The following TPO variants were observed in gnomAD, a reference collection of about 807,000 sequenced individuals.
The protein encoded by TPO is thyroid peroxidase.
In TPO, 78 loss-of-function variants were observed where a neutral mutation model predicts 96.9. The observed-to-expected ratio is 0.81, with a 90% CI of 0.67 to 0.97. TPO has a LOEUF of 0.97. TPO is among the 50% of genes least tolerant of loss of function. TPO has a pLI of 0.00. For missense variants in TPO, 1,252 were observed against 1,274.8 expected (o/e 0.98, Z 0.27); for synonymous variants, 547 against 538.0 (o/e 1.02, Z -0.23).
At chr2:1,509,575 G>A (rs1017992441) in intron 14 of TPO, among the ~76,000 whole-genome samples, 141 of 126,406 alleles carry the variant, frequency 1.1e-3, no homozygotes, top group African/African-American at 3.8e-3. Context: ...CTCTTCTTTC[G>A]GGGATACCCC....
intron 14 of TPO, among the ~76,000 whole-genome samples, chr2:1,506,688 A>G (rs1399578965): frequency 2.0e-5 from 3 of 152,170 alleles, no homozygotes; most frequent in African/African-American, 4.8e-5. Context: ...TCTTCTTTTG[A>G]GAAGTGTCTG....
chr2:1,479,340 T>C (rs981141355), intron 8 of TPO, among the ~76,000 whole-genome samples: 1 of 152,242 alleles, frequency 6.6e-6, no homozygotes, highest in Admixed American at 6.5e-5. Context: ...TTCTTGTTTC[T>C]CAGGACCCAC....
intron 11 of TPO, 117 bp downstream of exon 11, chr2:1,494,156 C>T (rs1672092292): frequency 9.4e-6 from 10 of 1,059,268 alleles, no homozygotes; most frequent in East Asian, 2.4e-5. Context: ...TCAACTCTTA[C>T]GTAAGCCTGG....
chr2:1,472,385 C>T (rs1203266376), intron 7 of TPO, among the ~76,000 whole-genome samples: 6 of 151,762 alleles, frequency 4.0e-5, no homozygotes, highest in Non-Finnish European at 5.9e-5. Context: ...TGAGTGGTCA[C>T]GGTGTGCCCT....
At chr2:1,375,908 C>T (rs7590793) in intron 1 of TPO, among the ~76,000 whole-genome samples, 18 of 152,230 alleles carry the variant, frequency 1.2e-4, no homozygotes, top group African/African-American at 3.6e-4. Flanking sequence ...TTTCTAGTCA[C>T]GCACAACGAA....
At chr2:1,534,021 C>G (rs1156975602) in intron 15 of TPO, among the ~76,000 whole-genome samples, 99 of 99,966 alleles carry the variant, frequency 9.9e-4, no homozygotes, top group African/African-American at 2.7e-3. Context: ...CAAATCCCCC[C>G]CAATCTGTGC....
chr2:1,422,833 C>T (rs1178301597), intron 2 of TPO, among the ~76,000 whole-genome samples: 1 of 152,190 alleles, frequency 6.6e-6, no homozygotes, highest in Non-Finnish European at 1.5e-5. Flanking sequence ...ATCCCATCCT[C>T]CAGGCAGCTC....
intron 5 of TPO, among the ~76,000 whole-genome samples, chr2:1,436,585 C>T (rs963166142): frequency 7.9e-5 from 12 of 152,186 alleles, no homozygotes; most frequent in African/African-American, 2.4e-4. Flanking sequence ...ACTGTCATTC[C>T]CAGCCACAAC....
chr2:1,489,966 C>T (rs558412281), intron 10 of TPO, among the ~76,000 whole-genome samples: 3 of 115,226 alleles, frequency 2.6e-5, no homozygotes, highest in Admixed American at 9.1e-5. Context: ...AGAGCCGCCA[C>T]GTGGGTCCCA....
chr2:1,530,303 C>T (rs1414895414), intron 15 of TPO, among the ~76,000 whole-genome samples: 3 of 131,198 alleles, frequency 2.3e-5, no homozygotes, highest in Non-Finnish European at 4.8e-5. Context: ...TGTGAGCAAC[C>T]TCCTAAAATC....
intron 8 of TPO, chr2:1,478,439 T>C (rs1670197528): frequency 1.0e-6 from 1 of 976,388 alleles, no homozygotes; most frequent in South Asian, 4.7e-5. Flanking sequence ...AAGGAGGCAC[T>C]GGAGCCTTGT....
In TPO at chr2:1,477,452, C is replaced by T. The variant is rs758368355; in HGVS notation, c.1186C>T (p.Arg396Cys). ...GCCCTGCTTCCTGGCCGGAGACGGCCGCGCCAGCGAGGTCCCCTCCCTGAC... is the reference window on the plus strand; with the variant it reads ...GCCCTGCTTCCTGGCCGGAGACGGCTGCGCCAGCGAGGTCCCCTCCCTGAC... ...RGPCFLAGDG[R>C]ASEVPSLTAL... The change falls in exon 8 of 17, where the codon CGC becomes TGC. Residue 396 changes from arginine to cysteine, a missense_variant. Physicochemically the swap from Arg to Cys is radical, Grantham distance 180. Transcript: ENST00000329066. 1 of 1,524,596 alleles carries T rather than the reference C, an allele frequency of 6.6e-7. No homozygotes were observed. Among genetic ancestry groups the T allele is most frequent in the East Asian group, 2.5e-5 (1 of 39,748 alleles). 94.4% of individuals were successfully genotyped at this position (1,524,596 alleles called of 1,614,324 possible).
At chr2:1,518,114 C>T (rs1321961137) in intron 15 of TPO, among the ~76,000 whole-genome samples, 2 of 152,236 alleles carry the variant, frequency 1.3e-5, no homozygotes, top group African/African-American at 4.8e-5. Context: ...CTCCCAGCCT[C>T]ACCCGATACC....
At chr2:1,477,006 G>T (rs541853418) in intron 7 of TPO, 80 bp from the exon 8 acceptor site, 4 of 1,504,922 alleles carry the variant, frequency 2.7e-6, no homozygotes, top group Non-Finnish European at 3.5e-6. Context: ...CTGCGGGGTC[G>T]TCGCCGGCCT....
chr2:1,502,889 G>C (rs903967899), intron 13 of TPO, among the ~76,000 whole-genome samples: 2 of 152,198 alleles, frequency 1.3e-5, no homozygotes, highest in African/African-American at 4.8e-5. Context: ...CCTCCCCCGG[G>C]GTTAGGAGTG....
At position 1,400,568 on chromosome 2, in the gene TPO, C is replaced by CAAAAAAAAAAAA. The variant is rs34242408; in HGVS notation, n.180+26175_180+26186dup. Among the ~76,000 whole-genome samples, 159 of 71,584 alleles carry CAAAAAAAAAAAA rather than the reference C, an allele frequency of 2.2e-3. 8 individuals are homozygous for CAAAAAAAAAAAA. The highest frequency in any genetic ancestry group is 8.0e-3 in the African/African-American group (146 of 18,198). The allele number at this position is 71,584 out of a possible 152,430, so 47.0% of individuals were successfully genotyped here. A position where few individuals can be genotyped will look rare whatever the true frequency, so the allele number is the denominator to read the frequency against. On this transcript the variant is annotated intron_variant and non_coding_transcript_variant, in intron 1 of 5. Coordinates refer to the TPO transcript ENST00000497517. ...TGGATAAAGAAGTGAGACTCTGTCT[C>CAAAAAAAAAAAA]AAAAAAAAAAAAAAAAAAAAGAAAT... is the stretch of plus-strand genomic sequence containing the variant.
intron 15 of TPO, among the ~76,000 whole-genome samples, chr2:1,535,199 A>G (rs1468109769): frequency 9.6e-6 from 1 of 104,708 alleles, no homozygotes; most frequent in Non-Finnish European, 1.8e-5. Context: ...CACTTGTGCA[A>G]CCTCATCAAT....
At chr2:1,429,640 AT>A (rs1276772488) in intron 3 of TPO, among the ~76,000 whole-genome samples, 1 of 152,162 alleles carries the variant, frequency 6.6e-6, no homozygotes, top group Non-Finnish European at 1.5e-5. Context: ...CCAGGCTGAC[AT>A]GGTCTCAGAT....
chr2:1,496,295 A>T (rs970583858), intron 12 of TPO, 98 bp downstream of exon 12: 70 of 1,424,158 alleles, frequency 4.9e-5, no homozygotes, highest in Middle Eastern at 3.7e-4. Context: ...TTCACTGTTT[A>T]GAAAATAGTG....
Sources: allele counts gnomAD v4.1 joint callset (sites outside exome capture counted in the v4.1 genomes callset), GRCh38; gene constraint gnomAD v4.1.1; transcripts MANE v1.5; gene names NCBI Gene and HGNC (gene_info 2026-07-23, HGNC 2026-07-21).